PPP2CA: variants seen among roughly 807,000 people sequenced by gnomAD.
The protein encoded by PPP2CA is protein phosphatase 2 catalytic subunit alpha, also known as serine/threonine-protein phosphatase 2A catalytic subunit alpha isoform.
A neutral mutation model predicts 38.8 loss-of-function variants in PPP2CA; 5 were observed. That is an observed-to-expected ratio of 0.13 (90% CI 0.07 to 0.27). The LOEUF is 0.27. PPP2CA is among the 10% of genes least tolerant of loss of function. The probability of loss-of-function intolerance (pLI) is 1.00; values close to 1 mark genes in which losing one functional copy is unlikely to be tolerated. For missense variants in PPP2CA, 88 were observed against 389.7 expected (o/e 0.23, Z 6.52); for synonymous variants, 152 against 134.0 (o/e 1.13, Z -0.93).
At chr5:134,211,518 G>A (rs1054499700) in intron 1 of PPP2CA, among the ~76,000 whole-genome samples, 3 of 148,014 alleles carry the variant, frequency 2.0e-5, no homozygotes, top group African/African-American at 5.0e-5. Flanking sequence ...CTCTTGTTGC[G>A]CGGGCTGGAG....
At chr5:134,200,673 CAG>C (rs1439473901) in intron 4 of PPP2CA, among the ~76,000 whole-genome samples, 177 bp from the exon 5 acceptor site, 1 of 152,210 alleles carries the variant, frequency 6.6e-6, no homozygotes, top group African/African-American at 2.4e-5. Context: ...TATTTTCCAG[CAG>C]ACTTTATGAG....
chr5:134,220,010 CAAAA>C (rs10578851), intron 1 of PPP2CA, among the ~76,000 whole-genome samples: 37 of 103,500 alleles, frequency 3.6e-4, no homozygotes, highest in Admixed American at 3.9e-4. Context: ...GGCTCCGTAT[CAAAA>C]AAAAAAAAAA....
At chr5:134,214,606 C>T (rs1020733121) in intron 1 of PPP2CA, among the ~76,000 whole-genome samples, 1 of 152,116 alleles carries the variant, frequency 6.6e-6, no homozygotes, top group Non-Finnish European at 1.5e-5. Flanking sequence ...TTTCTGAGTA[C>T]AAACTTTTTA....
At chr5:134,203,579 A>G (rs1182157092) in intron 2 of PPP2CA, 4 of 152,198 alleles carry the variant, frequency 2.6e-5, no homozygotes, top group African/African-American at 7.2e-5. Context: ...TAAGGATACC[A>G]CTTACACTGG....
chr5:134,204,838 G>A (rs936450082), intron 2 of PPP2CA, among the ~76,000 whole-genome samples: 2 of 151,828 alleles, frequency 1.3e-5, no homozygotes, highest in African/African-American at 4.8e-5. Flanking sequence ...CATACATAAT[G>A]TATGTAATGT....
At chr5:134,200,009 T>C (rs1433831315) in intron 5 of PPP2CA, among the ~76,000 whole-genome samples, 1 of 152,194 alleles carries the variant, frequency 6.6e-6, no homozygotes, top group African/African-American at 2.4e-5. Flanking sequence ...CATACATACA[T>C]TAAATATACG....
At chr5:134,199,315 CTTAAGAAATG>C in intron 5 of PPP2CA, 111 bp from the exon 6 acceptor site, 1 of 763,496 alleles carries the variant, frequency 1.3e-6, no homozygotes, top group Non-Finnish European at 2.2e-6. Flanking sequence ...GCCAAAGGGG[CTTAAGAAATG>C]TTAATGCTTT....
chr5:134,217,170 C>T (rs1762339070), intron 1 of PPP2CA, among the ~76,000 whole-genome samples: 1 of 152,086 alleles, frequency 6.6e-6, no homozygotes, highest in South Asian at 2.1e-4. Context: ...ATCCCAGCTA[C>T]CCGGGAGGCT....
At position 134,200,966 on chromosome 5, in the gene PPP2CA, T is replaced by C. The variant is rs1283422345; in HGVS notation, c.576+19A>G. On this transcript the variant is annotated intron_variant, in intron 4 of 6. Coordinates refer to ENST00000481195, the MANE Select transcript of PPP2CA (RefSeq NM_002715.4). ...CCTAATAAGTTTTCTGAAAGAATTT[T>C]ATCAAATAAAAGTCATACCTCATGG... The C allele has an allele frequency of 1.3e-6, 2 of 1,563,558 alleles. No homozygotes were observed. Among genetic ancestry groups the C allele is most frequent in the Non-Finnish European group, 8.8e-7 (1 of 1,134,564 alleles).
chr5:134,203,041 T>C (rs1762002091), intron 2 of PPP2CA, among the ~76,000 whole-genome samples: 1 of 152,250 alleles, frequency 6.6e-6, no homozygotes, highest in East Asian at 1.9e-4. Context: ...AAATATCTAT[T>C]CAAATATTTT....
chr5:134,223,178 A>G (rs76023689), intron 1 of PPP2CA, among the ~76,000 whole-genome samples: 1,753 of 152,264 alleles, frequency 0.012, 34 homozygotes, highest in African/African-American at 0.038. Flanking sequence ...TTTTTTCTCA[A>G]AAAATACTAT....
At chr5:134,218,112 T>C (rs547455060) in intron 1 of PPP2CA, among the ~76,000 whole-genome samples, 50 of 152,372 alleles carry the variant, frequency 3.3e-4, no homozygotes, top group Non-Finnish European at 4.0e-4. Flanking sequence ...ATGTGGTGCA[T>C]GACTACTTGT....
chr5:134,218,944 C>G (rs982089382), intron 1 of PPP2CA, among the ~76,000 whole-genome samples: 1 of 152,166 alleles, frequency 6.6e-6, no homozygotes, highest in African/African-American at 2.4e-5. Context: ...GCTGGGATTC[C>G]AGGCGTGAGC....
intron 1 of PPP2CA, among the ~76,000 whole-genome samples, chr5:134,222,164 C>T (rs79145755): frequency 6.6e-5 from 10 of 152,174 alleles, no homozygotes; most frequent in African/African-American, 2.4e-4. Context: ...AGTCAAGTCA[C>T]TTTACCTTTC....
At chr5:134,210,215 T>C (rs2149385693) in intron 1 of PPP2CA, among the ~76,000 whole-genome samples, 1 of 152,252 alleles carries the variant, frequency 6.6e-6, no homozygotes, top group South Asian at 2.1e-4. Context: ...ATGGATCACC[T>C]CCAGAGCCTC....
intron 5 of PPP2CA, among the ~76,000 whole-genome samples, 171 bp downstream of exon 5, chr5:134,200,164 C>T (rs552127821): frequency 2.0e-5 from 3 of 152,334 alleles, no homozygotes; most frequent in African/African-American, 7.2e-5. Context: ...AAAGCTTGAG[C>T]TTTTAATTCT....
At chr5:134,221,707 A>G (rs1471709052) in intron 1 of PPP2CA, among the ~76,000 whole-genome samples, 4 of 152,094 alleles carry the variant, frequency 2.6e-5, no homozygotes, top group Non-Finnish European at 5.9e-5. Flanking sequence ...CGCTGGCTCA[A>G]GCCTGTAATC....
chr5:134,216,537 CAAAA>C (rs748030385), intron 1 of PPP2CA, among the ~76,000 whole-genome samples: 1 of 29,574 alleles, frequency 3.4e-5, no homozygotes, highest in African/African-American at 1.2e-4. Context: ...GAGACTGCCT[CAAAA>C]AAAAAAAAAA....
intron 1 of PPP2CA, among the ~76,000 whole-genome samples, chr5:134,213,848 G>A (rs1762260738): frequency 6.6e-6 from 1 of 152,184 alleles, no homozygotes; most frequent in Non-Finnish European, 1.5e-5. Context: ...AGGCTGAAAA[G>A]CCCAGGCACA....
Sources: allele counts gnomAD v4.1 joint callset (sites outside exome capture counted in the v4.1 genomes callset), GRCh38; gene constraint gnomAD v4.1.1; transcripts MANE v1.5; gene names NCBI Gene and HGNC (gene_info 2026-07-23, HGNC 2026-07-21).